The following NCOR2 variants were observed in gnomAD, a reference collection of about 807,000 sequenced individuals.
The protein encoded by NCOR2 is nuclear receptor corepressor 2, also known as CTG repeat protein 26.
In NCOR2, 81 loss-of-function variants were observed where a neutral mutation model predicts 262.9. The ratio of observed to expected loss-of-function variants is 0.31; its 90% CI spans 0.26 to 0.37. The LOEUF is 0.37. Among genes scored for constraint, NCOR2 ranks in the 10% least tolerant of loss-of-function variants. NCOR2 has a pLI of 1.00. For missense variants in NCOR2, 3,385 were observed against 3,621.4 expected, an observed-to-expected ratio of 0.93 and a Z score of 1.68; for synonymous variants, 1,659 against 1,559.3, an observed-to-expected ratio of 1.06 and a Z score of -1.51.
At chr12:124,473,805 T>C (rs1050929432) in intron 3 of NCOR2, among the ~76,000 whole-genome samples, 1 of 152,118 alleles carries the variant, frequency 6.6e-6, no homozygotes, top group Non-Finnish European at 1.5e-5. Flanking sequence ...ATCAGCAGCA[T>C]GAAAACGGAC....
chr12:124,486,421 G>A lies in NCOR2; in HGVS notation c.233+20C>T, dbSNP rs1166432160. ...GGAGCTCTCACGCCCTGGACAGGGA[G>A]GCAGCAACTCTCTCCTCACCGTTCA... On this transcript the variant is annotated intron_variant, in intron 2 of 46. Coordinates refer to ENST00000405201, the Ensembl canonical transcript of NCOR2. 1 of 1,611,794 alleles carries A rather than the reference G, an allele frequency of 6.2e-7. No homozygotes were observed. Among genetic ancestry groups the A allele is most frequent in the African/African-American group, 1.3e-5 (1 of 74,880 alleles).
intron 44 of NCOR2, among the ~76,000 whole-genome samples, chr12:124,329,482 C>T (rs1322083361): frequency 6.6e-6 from 1 of 151,416 alleles, no homozygotes; most frequent in East Asian, 1.9e-4. Context: ...AACAAACAAA[C>T]ACAAAAAACA....
chr12:124,434,294 T>C (rs903026347), intron 8 of NCOR2, among the ~76,000 whole-genome samples: 10 of 152,106 alleles, frequency 6.6e-5, no homozygotes, highest in Non-Finnish European at 1.2e-4. Flanking sequence ...CAGGCCTTAC[T>C]GAAATCAATG....
chr12:124,566,822 G>A lies in NCOR2; in HGVS notation c.-165+486C>T, dbSNP rs907923315. Among the ~76,000 whole-genome samples, 1 of 152,200 alleles carries A rather than the reference G, an allele frequency of 6.6e-6. No individual in the cohort carries two copies. The highest frequency in any genetic ancestry group is 1.5e-5 in the Non-Finnish European group (1 of 68,000). ...CAAGGCTGGCTCTCCCCCTCGGCTG[G>A]TGAGAGACCCTCATGCGCCCCTCCA... is the stretch of plus-strand genomic sequence containing the variant. On this transcript the variant is annotated intron_variant, in intron 1 of 32. Coordinates refer to the NCOR2 transcript ENST00000458234. The surrounding 1 kb of genome is among the most constrained non-coding windows in gnomAD (Gnocchi z 4.3).
intron 8 of NCOR2, among the ~76,000 whole-genome samples, chr12:124,433,877 C>CACACAA (rs1555222694): frequency 1.1e-4 from 13 of 119,288 alleles, no homozygotes; most frequent in African/African-American, 4.5e-4. Context: ...CACACACACA[C>CACACAA]ACACACACAC....
intron 16 of NCOR2, chr12:124,388,698 C>A (rs1197686550): frequency 1.1e-5 from 14 of 1,304,506 alleles, no homozygotes; most frequent in Non-Finnish European, 1.4e-5. Context: ...CTCTCATTCG[C>A]GTCTCCCCCT....
upstream of NCOR2, among the ~76,000 whole-genome samples, chr12:124,499,899 G>T (rs2048601831): frequency 6.6e-6 from 1 of 152,142 alleles, no homozygotes; most frequent in African/African-American, 2.4e-5. Flanking sequence ...GGACACTGGG[G>T]GATCAGGGCA....
intron 1 of NCOR2, among the ~76,000 whole-genome samples, chr12:124,510,670 A>C (rs539174241): frequency 2.8e-4 from 42 of 152,202 alleles, no homozygotes; most frequent in African/African-American, 9.6e-4. Context: ...GTTAGAGGAG[A>C]CTGTTGTCTC....
At chr12:124,356,517 G>T in intron 23 of NCOR2, 125 bp downstream of exon 25, 1 of 881,826 alleles carries the variant, frequency 1.1e-6, no homozygotes, top group Non-Finnish European at 1.5e-6. Context: ...TGACCAGGCT[G>T]TTCCTCCAGC....
At chr12:124,367,493 G>A (rs2039131414) in intron 20 of NCOR2, among the ~76,000 whole-genome samples, 1 of 152,218 alleles carries the variant, frequency 6.6e-6, no homozygotes, top group South Asian at 2.1e-4. Context: ...TAGTGGAGGA[G>A]GAAGGTGGAA....
rs1316626974 is a variant in NCOR2 at position 124,440,072 on chromosome 12, T to TG, written c.816-2077dup. Among the ~76,000 whole-genome samples, 1 of 151,906 alleles carries TG rather than the reference T, an allele frequency of 6.6e-6. No individual in the cohort carries two copies. The highest frequency in any genetic ancestry group is 1.9e-4 in the East Asian group (1 of 5,158). On this transcript the variant is annotated intron_variant, in intron 7 of 46. Coordinates refer to ENST00000405201, the Ensembl canonical transcript of NCOR2. The surrounding 1 kb of genome is among the most constrained non-coding windows in gnomAD (Gnocchi z 5.7). ...GTGCTGCAGCTGGCCTCCCAGGGCC[T>TG]GGGGGGCCACAGCGACCTCAGGAGC...
At chr12:124,495,546 G>C (rs190424160), upstream of NCOR2, among the ~76,000 whole-genome samples, 21 of 152,232 alleles carry the variant, frequency 1.4e-4, no homozygotes, top group Non-Finnish European at 2.6e-4. This position sits in a 1 kb window ranked among gnomAD's most constrained non-coding sequence, Gnocchi z 4.4. Flanking sequence ...CAAGGAGACA[G>C]GCATGGCATT....
At position 124,339,865 on chromosome 12, in the gene NCOR2, T is replaced by C. The variant is rs772742514; in HGVS notation, c.5687+141A>G. ...CACCCACCCATCCACTACTCACACATAGTCTATTCTTCTACCCCCACACAT... is the reference window on the plus strand; with the variant it reads ...CACCCACCCATCCACTACTCACACACAGTCTATTCTTCTACCCCCACACAT... On this transcript the variant is annotated intron_variant, in intron 37 of 46. Coordinates refer to ENST00000405201, the Ensembl canonical transcript of NCOR2. 94 of 950,206 alleles carry C rather than the reference T, an allele frequency of 9.9e-5. 9 individuals are homozygous for C. The highest frequency in any genetic ancestry group is 3.7e-4 in the South Asian group (18 of 49,312). The allele number at this position is 950,206 out of a possible 1,614,324, so 58.9% of individuals were successfully genotyped here.
rs61145594 is a variant in NCOR2 at position 124,431,053 on chromosome 12, A to G, written c.883-266T>C. Reference sequence around the variant, plus strand: ...CAAATGCAGTCACACAAACACACATATACTCAGACACAGTCACAGACATGC... The same window carrying G: ...CAAATGCAGTCACACAAACACACATGTACTCAGACACAGTCACAGACATGC... On this transcript the variant is annotated intron_variant, in intron 8 of 46. Transcript: ENST00000405201. Among the ~76,000 whole-genome samples, 499 of 152,080 alleles carry G rather than the reference A, an allele frequency of 3.3e-3. 5 individuals are homozygous for G. In the East Asian group the frequency reaches 0.044, roughly 13 times the overall value.
chr12:124,485,851 T>C (rs890009085), intron 2 of NCOR2, among the ~76,000 whole-genome samples: 3 of 152,224 alleles, frequency 2.0e-5, no homozygotes, highest in African/African-American at 4.8e-5. Flanking sequence ...CTAGAGAAGA[T>C]GGGAGAAAGA....
chr12:124,442,502 C>T (rs1371816305), intron 7 of NCOR2, among the ~76,000 whole-genome samples: 3 of 152,176 alleles, frequency 2.0e-5, no homozygotes, highest in Admixed American at 6.5e-5. Flanking sequence ...TGCCAGGTGA[C>T]GTGTGTGGGG....
intron 1 of NCOR2, among the ~76,000 whole-genome samples, chr12:124,564,387 T>C (rs1342209175): frequency 6.6e-6 from 1 of 152,062 alleles, no homozygotes; most frequent in African/African-American, 2.4e-5. Context: ...AGGCAGGAGT[T>C]ACCAGCTCCC....
intron 1 of NCOR2, among the ~76,000 whole-genome samples, chr12:124,535,261 G>A (rs117804988): frequency 0.047 from 7,189 of 152,286 alleles, 250 homozygotes; most frequent in Middle Eastern, 0.082. Flanking sequence ...CCCGGAGCCC[G>A]GGGAAGCCCA....
chr12:124,346,636 C>G (rs759702301), exon 31 of NCOR2: 1 of 1,595,216 alleles, frequency 6.3e-7, no homozygotes, highest in Middle Eastern at 1.7e-4. Flanking sequence ...GCTCCTCGCG[C>G]GGGATCTCAT....
Sources: gnomAD v4.1 joint callset for allele counts (sites outside exome capture counted in the v4.1 genomes callset) on GRCh38, gnomAD v4.1.1 for gene constraint, Gnocchi (gnomAD v3.1) non-coding constraint, MANE v1.5 for transcripts, NCBI Gene and HGNC (gene_info 2026-07-23, HGNC 2026-07-21) for gene names.